Variants in KLHL3 observed in about 807,000 individuals in gnomAD.
The protein encoded by KLHL3 is kelch-like protein 3.
In KLHL3, 19 loss-of-function variants were observed where a neutral mutation model predicts 70.5. The ratio of observed to expected loss-of-function variants is 0.27; its 90% confidence interval spans 0.19 to 0.40. The LOEUF (loss-of-function observed/expected upper bound fraction) is 0.40. Among genes scored for constraint, KLHL3 ranks in the 10% least tolerant of loss-of-function variants. The pLI is 1.00. For synonymous variants in KLHL3, 258 were observed against 290.3 expected, an observed-to-expected ratio of 0.89 and a Z score of 1.13; for missense variants, 512 against 771.1, an observed-to-expected ratio of 0.66 and a Z score of 3.98.
At chr5:137,647,099 A>G (rs1187542411) in intron 8 of KLHL3, among the ~76,000 whole-genome samples, 1 of 152,238 alleles carries the variant, frequency 6.6e-6, no homozygotes, top group Non-Finnish European at 1.5e-5. Flanking sequence ...ATACCTCCCA[A>G]GGAAAACACT....
intron 4 of KLHL3, among the ~76,000 whole-genome samples, chr5:137,694,836 C>G (rs535985715): frequency 6.6e-6 from 1 of 152,220 alleles, no homozygotes; most frequent in East Asian, 1.9e-4. Flanking sequence ...CCCTCAGAAG[C>G]CCTGAGGGAG....
At chr5:137,698,084 C>T (rs1176879790) in intron 4 of KLHL3, among the ~76,000 whole-genome samples, 1 of 152,224 alleles carries the variant, frequency 6.6e-6, no homozygotes, top group African/African-American at 2.4e-5. Flanking sequence ...GCATGGGTGC[C>T]CAAGCCAGGA....
At chr5:137,646,254 T>C (rs185970211) in intron 8 of KLHL3, among the ~76,000 whole-genome samples, 1 of 152,174 alleles carries the variant, frequency 6.6e-6, no homozygotes, top group African/African-American at 2.4e-5. Context: ...CTCACCCCAA[T>C]TAGAAGGTCT....
At chr5:137,704,833 C>G (rs1331580942) in intron 3 of KLHL3, among the ~76,000 whole-genome samples, 2 of 152,200 alleles carry the variant, frequency 1.3e-5, no homozygotes, top group Non-Finnish European at 2.9e-5. Flanking sequence ...ATCTGGGTAT[C>G]TGGGTCTCTT....
At chr5:137,675,709 C>T (rs977244307) in intron 6 of KLHL3, among the ~76,000 whole-genome samples, 1 of 152,166 alleles carries the variant, frequency 6.6e-6, no homozygotes, top group Non-Finnish European at 1.5e-5. Context: ...CCAGACACAG[C>T]AAGCACAGAT....
chr5:137,670,654 A>G (rs1477077384), intron 6 of KLHL3, among the ~76,000 whole-genome samples: 1 of 152,026 alleles, frequency 6.6e-6, no homozygotes, highest in Admixed American at 6.6e-5. Flanking sequence ...CTGACCTGAG[A>G]ATGCTTAAAA....
intron 8 of KLHL3, among the ~76,000 whole-genome samples, chr5:137,654,622 C>G (rs2905579): frequency 0.55 from 83,078 of 152,136 alleles, 23,097 homozygotes; most frequent in African/African-American, 0.64. Flanking sequence ...TTAAGAAGCA[C>G]GTTAGACAAC....
intron 8 of KLHL3, among the ~76,000 whole-genome samples, chr5:137,645,457 G>C (rs1751019835): frequency 6.6e-6 from 1 of 152,074 alleles, no homozygotes; most frequent in Non-Finnish European, 1.5e-5. Context: ...AATTGGCAAA[G>C]TGGCAGGATA....
At chr5:137,735,189 C>T (rs1753240920) in intron 1 of KLHL3, among the ~76,000 whole-genome samples, 1 of 152,178 alleles carries the variant, frequency 6.6e-6, no homozygotes, top group Non-Finnish European at 1.5e-5. Context: ...GATTCAAGCA[C>T]TCCTGCGTGA....
At chr5:137,702,347 G>A (rs1752588294) in intron 3 of KLHL3, among the ~76,000 whole-genome samples, 1 of 152,216 alleles carries the variant, frequency 6.6e-6, no homozygotes, top group African/African-American at 2.4e-5. Flanking sequence ...AGGAGTCATA[G>A]TTATTCAGAA....
intron 1 of KLHL3, among the ~76,000 whole-genome samples, chr5:137,732,036 TTC>T (rs1753187016): frequency 6.6e-6 from 1 of 152,202 alleles, no homozygotes; most frequent in African/African-American, 2.4e-5. Context: ...CCATTTTACT[TTC>T]TGTCTCTATG....
intron 3 of KLHL3, among the ~76,000 whole-genome samples, chr5:137,708,735 T>C (rs1445631347): frequency 6.6e-6 from 1 of 152,118 alleles, no homozygotes; most frequent in African/African-American, 2.4e-5. Context: ...AGGCCTGGTG[T>C]GGAACTATGG....
chr5:137,619,885 A>G lies in KLHL3; in HGVS notation c.*2213T>C, dbSNP rs1756346792. The stretch of plus-strand genomic sequence containing the variant: ...ACATAAAAGTAGCCTCTCCCGCATG[A>G]AAGTCTAGCTTCTCAGTGGTGGGGG... On this transcript the variant is annotated 3_prime_UTR_variant, in exon 15 of 15. Transcript: ENST00000309755. 1 of 152,566 alleles carries G rather than the reference A, an allele frequency of 6.6e-6. No homozygotes were observed. Among genetic ancestry groups the G allele is most frequent in the Non-Finnish European group, 1.5e-5 (1 of 68,056 alleles). The allele number at this position is 152,566 out of a possible 1,614,324, so 9.5% of individuals were successfully genotyped here.
chr5:137,718,516 C>G (rs917911491), intron 2 of KLHL3, among the ~76,000 whole-genome samples: 17 of 152,156 alleles, frequency 1.1e-4, no homozygotes, highest in African/African-American at 3.9e-4. Flanking sequence ...AATAAACAAA[C>G]AAAGAAAAGA....
chr5:137,678,115 A>C (rs963440901), intron 5 of KLHL3, among the ~76,000 whole-genome samples: 3 of 152,176 alleles, frequency 2.0e-5, no homozygotes, highest in Non-Finnish European at 4.4e-5. Context: ...ATAGGAAGTC[A>C]ACATTAGAAG....
chr5:137,641,399 T>C (rs1468850758), intron 8 of KLHL3, among the ~76,000 whole-genome samples: 1 of 152,170 alleles, frequency 6.6e-6, no homozygotes, highest in East Asian at 1.9e-4. Context: ...AGAGGCTGCC[T>C]TTCTAACAAG....
In KLHL3 at chr5:137,711,601, C is replaced by T. The variant is rs193295702; in HGVS notation, c.135-1745G>A. Among the ~76,000 whole-genome samples the T allele has an allele frequency of 2.0e-5, 3 of 152,300 alleles. No homozygotes were observed. The East Asian group carries it at 5.8e-4, about 29-fold the overall frequency. On this transcript the variant is annotated intron_variant, in intron 2 of 14. Coordinates refer to ENST00000309755, the MANE Select transcript of KLHL3 (RefSeq NM_017415.3). The stretch of plus-strand genomic sequence containing the variant: ...TGAGACCTTACCCTGCAGTGGACAG[C>T]AGACCTTAATCACCAACTGTATCAG...
rs1752233542 is a variant in KLHL3, at chr5:137,688,191, AT to A, written c.526+4093del. 2.6e-4 allele frequency among the ~76,000 whole-genome samples: 2 copies of A among 7,672 alleles called. 1 individual carries two copies. Among genetic ancestry groups the A allele is most frequent in the African/African-American group, 1.3e-3 (2 of 1,594 alleles). 5.0% of individuals were successfully genotyped at this position (7,672 alleles called of 152,430 possible). A position where few individuals can be genotyped will look rare whatever the true frequency, so the allele number is the denominator to read the frequency against. On this transcript the variant is annotated intron_variant, in intron 5 of 14. Transcript: ENST00000309755. ...AAAAAATAAAATAAAATAAAATAAA[AT>A]AAAATAAAATATTACCTCCCTAGTG...
At chr5:137,632,408 G>A (rs891343140) in intron 12 of KLHL3, among the ~76,000 whole-genome samples, 4 of 152,130 alleles carry the variant, frequency 2.6e-5, no homozygotes, top group Non-Finnish European at 5.9e-5. Context: ...AAACAATGGG[G>A]AAAAGACTCT....
Sources: gnomAD v4.1 joint callset for allele counts (sites outside exome capture counted in the v4.1 genomes callset) on GRCh38, gnomAD v4.1.1 for gene constraint, MANE v1.5 for transcripts, NCBI Gene and HGNC (gene_info 2026-07-23, HGNC 2026-07-21) for gene names.